Variants in CCNY observed in about 807,000 individuals in gnomAD.
CCNY encodes cyclin-Y.
Under a neutral mutation model 42.8 loss-of-function variants are expected in CCNY, and 19 were observed. That is an observed-to-expected ratio of 0.44 (90% CI 0.31 to 0.65). CCNY has a LOEUF of 0.65. CCNY is among the 30% of genes least tolerant of loss of function. The pLI is 0.07. For synonymous variants in CCNY, 165 were observed against 162.7 expected, an observed-to-expected ratio of 1.01 and a Z score of -0.11; for missense variants, 370 against 437.3, an observed-to-expected ratio of 0.85 and a Z score of 1.37.
chr10:35,426,235 TCACA>T (rs148127192), intron 1 of CCNY, among the ~76,000 whole-genome samples: 62 of 140,930 alleles, frequency 4.4e-4, no homozygotes, highest in East Asian at 2.5e-3. Context: ...ACATGCCCAT[TCACA>T]CACACACACA....
At chr10:35,397,743 C>T (rs894992372) in intron 1 of CCNY, among the ~76,000 whole-genome samples, 5 of 152,266 alleles carry the variant, frequency 3.3e-5, no homozygotes, top group African/African-American at 1.2e-4. Context: ...TTATGGAGCT[C>T]TATCAGAAAT....
At chr10:35,556,149 C>G (rs1288217423) in intron 8 of CCNY, among the ~76,000 whole-genome samples, 3 of 152,194 alleles carry the variant, frequency 2.0e-5, no homozygotes, top group African/African-American at 7.2e-5. Flanking sequence ...GTGACTCATG[C>G]AGCATTTGAT....
chr10:35,355,976 C>T (rs1335150191), intron 1 of CCNY, among the ~76,000 whole-genome samples: 1 of 151,882 alleles, frequency 6.6e-6, no homozygotes, highest in Non-Finnish European at 1.5e-5. Flanking sequence ...TAAAACTGCC[C>T]ATTTAGTGTG....
At chr10:35,268,152 C>T (rs2095727528) in intron 3 of CCNY, among the ~76,000 whole-genome samples, 1 of 152,104 alleles carries the variant, frequency 6.6e-6, no homozygotes, top group Non-Finnish European at 1.5e-5. Flanking sequence ...GCCTTGGCCT[C>T]CCAAAATGCT....
At chr10:35,475,008 C>T (rs372264183) in intron 1 of CCNY, among the ~76,000 whole-genome samples, 2,773 of 152,130 alleles carry the variant, frequency 0.018, 69 homozygotes, top group East Asian at 0.055. Flanking sequence ...ATGCAGAAGC[C>T]TCAGGAGCTG....
chr10:35,378,543 G>A (rs891785937), intron 1 of CCNY, among the ~76,000 whole-genome samples: 2 of 152,068 alleles, frequency 1.3e-5, no homozygotes, highest in Non-Finnish European at 2.9e-5. Context: ...CTAGGGTGGG[G>A]TGTATGTGTG....
chr10:35,406,185 T>C (rs1221294776), intron 1 of CCNY, among the ~76,000 whole-genome samples: 3 of 147,772 alleles, frequency 2.0e-5, no homozygotes, highest in Non-Finnish European at 4.5e-5. Context: ...CTTTTTCTTT[T>C]TTTTTTTCTT....
chr10:35,551,417 C>T lies in CCNY; in HGVS notation c.580-1602C>T, dbSNP rs149395951. Among the ~76,000 whole-genome samples the T allele has an allele frequency of 6.4e-3, 969 of 152,098 alleles. 13 individuals carry two copies. The highest frequency in any genetic ancestry group is 0.022 in the African/African-American group (919 of 41,476). On this transcript the variant is annotated intron_variant, in intron 7 of 9. Transcript: ENST00000374704. ...TTTCCTTTCCACATGTACCTTTTTG[C>T]GTTTTGTAATATTTAAGACTTTATG...
chr10:35,494,240 C>CCA (rs1554794897), intron 2 of CCNY, among the ~76,000 whole-genome samples: 6 of 143,556 alleles, frequency 4.2e-5, no homozygotes, highest in African/African-American at 7.8e-5. Flanking sequence ...TGAGACCCCC[C>CCA]CCCCCATTTC....
At chr10:35,268,448 C>T (rs1043155856) in intron 3 of CCNY, among the ~76,000 whole-genome samples, 4 of 152,292 alleles carry the variant, frequency 2.6e-5, no homozygotes, top group South Asian at 4.1e-4. Flanking sequence ...TCCCTGCCCC[C>T]GTGGTTTTGC....
At chr10:35,455,827 A>T (rs10764043) in intron 1 of CCNY, among the ~76,000 whole-genome samples, 909 of 80,468 alleles carry the variant, frequency 0.011, 6 homozygotes, top group South Asian at 0.02. Context: ...TTTTTTTTTA[A>T]AAAAAGAAAA....
At chr10:35,463,932 G>A (rs1839206754) in intron 1 of CCNY, among the ~76,000 whole-genome samples, 1 of 152,220 alleles carries the variant, frequency 6.6e-6, no homozygotes, top group South Asian at 2.1e-4. Flanking sequence ...CAGCATTAAA[G>A]CTTCAGAGTA....
intron 2 of CCNY, among the ~76,000 whole-genome samples, chr10:35,500,962 G>C (rs940545109): frequency 6.6e-6 from 1 of 152,186 alleles, no homozygotes; most frequent in Non-Finnish European, 1.5e-5. Flanking sequence ...AGCTCCAGGG[G>C]CTCCCAGACA....
chr10:35,487,136 A>G (rs919505762), intron 2 of CCNY, among the ~76,000 whole-genome samples: 1 of 152,196 alleles, frequency 6.6e-6, no homozygotes, highest in Non-Finnish European at 1.5e-5. Flanking sequence ...GATTGTGATA[A>G]TTCGTCACTT....
At chr10:35,273,575 A>T (rs1835199519) in intron 3 of CCNY, among the ~76,000 whole-genome samples, 1 of 151,910 alleles carries the variant, frequency 6.6e-6, no homozygotes, top group Admixed American at 6.6e-5. Context: ...CCAATCTAGG[A>T]TGGGCTTGCT....
At chr10:35,310,691 GT>G (rs1313963446) in intron 3 of CCNY, among the ~76,000 whole-genome samples, 4 of 152,176 alleles carry the variant, frequency 2.6e-5, no homozygotes, top group Non-Finnish European at 5.9e-5. Flanking sequence ...GGTCATTTGT[GT>G]GTCTTCTCCA....
chr10:35,415,750 T>C lies in CCNY; in HGVS notation c.155-67654T>C, dbSNP rs545523969. ...GGGTCAGGCTGAGGTTTGGGGGAGA[T>C]TGGGAATGTGTGGCCCCACTCAGGA... is the stretch of plus-strand genomic sequence containing the variant. On this transcript the variant is annotated intron_variant, in intron 1 of 9. Transcript: ENST00000374704. Among the ~76,000 whole-genome samples the C allele has an allele frequency of 9.9e-5, 15 of 152,174 alleles. No individual in the cohort carries two copies. In the South Asian group the frequency reaches 2.1e-3, roughly 21 times the overall value.
chr10:35,525,795 T>C (rs1468907017), intron 4 of CCNY, among the ~76,000 whole-genome samples, 169 bp from the exon 5 acceptor site: 1 of 152,212 alleles, frequency 6.6e-6, no homozygotes. Flanking sequence ...ATTGATTTAC[T>C]CAGAAGAGGA....
chr10:35,455,866 T>G (rs1201435913), intron 1 of CCNY, among the ~76,000 whole-genome samples: 1 of 135,882 alleles, frequency 7.4e-6, no homozygotes, highest in Non-Finnish European at 1.5e-5. Context: ...TTGCCCAAAC[T>G]GGAGGGTAAT....
Sources: gnomAD v4.1 joint callset for allele counts (sites outside exome capture counted in the v4.1 genomes callset) on GRCh38, gnomAD v4.1.1 for gene constraint, MANE v1.5 for transcripts, NCBI Gene and HGNC (gene_info 2026-07-23, HGNC 2026-07-21) for gene names.